The following P2RY14 variants were observed in gnomAD, a reference collection of about 807,000 sequenced individuals.
The protein encoded by P2RY14 is purinergic receptor P2Y14.
In P2RY14, 2 loss-of-function variants were observed where a neutral mutation model predicts 0.9. The observed-to-expected ratio is 2.16, with a 90% CI of 0.88 to 6.79. P2RY14 has a LOEUF of 6.79. Ranked by LOEUF, P2RY14 falls within the 30% of genes most tolerant of loss-of-function variation. The pLI is 0.05. For missense variants in P2RY14, 378 were observed against 400.1 expected (o/e 0.94, Z 0.47); for synonymous variants, 158 against 147.2 (o/e 1.07, Z -0.53).
At chr3:151,266,260 A>G (rs1321552652) in intron 1 of P2RY14, among the ~76,000 whole-genome samples, 1 of 152,222 alleles carries the variant, frequency 6.6e-6, no homozygotes, top group African/African-American at 2.4e-5. Flanking sequence ...GGTATTCAAC[A>G]TCTTCTATTA....
intron 1 of P2RY14, among the ~76,000 whole-genome samples, chr3:151,231,812 A>G (rs1731729886): frequency 6.6e-6 from 1 of 152,206 alleles, no homozygotes; most frequent in Non-Finnish European, 1.5e-5. Flanking sequence ...GGTGTGGTTA[A>G]GCGAGAGAGT....
chr3:151,235,399 CTGAAAAGA>C (rs1437155340), intron 1 of P2RY14, among the ~76,000 whole-genome samples: 1 of 152,056 alleles, frequency 6.6e-6, no homozygotes, highest in Non-Finnish European at 1.5e-5. Context: ...AAGTTTGATT[CTGAAAAGA>C]TCTAAAAGCA....
chr3:151,253,957 G>T, intron 1 of P2RY14, among the ~76,000 whole-genome samples: 1 of 149,770 alleles, frequency 6.7e-6, no homozygotes, highest in South Asian at 2.1e-4. Context: ...TCCAAGGAAT[G>T]GATACATTTG....
At chr3:151,247,523 AAC>A (rs1735843790) in intron 1 of P2RY14, among the ~76,000 whole-genome samples, 1 of 150,366 alleles carries the variant, frequency 6.7e-6, no homozygotes, top group Non-Finnish European at 1.5e-5. Context: ...CAAAAAACCA[AAC>A]ACTGCATATT....
chr3:151,214,302 G>A lies in P2RY14; in HGVS notation c.15C>T (p.Thr5=). The change falls in exon 3 of 3, where the codon ACC becomes ACT. Residue 5 remains threonine (T), a synonymous_variant. Coordinates refer to ENST00000309170, the MANE Select transcript of P2RY14 (RefSeq NM_014879.4). ...AGGATTCATCTGGAGGCTGTGTGGAGGTTGAATTGATCATCTTGTAACTTC... is the reference window on the plus strand; with the variant it reads ...AGGATTCATCTGGAGGCTGTGTGGAAGTTGAATTGATCATCTTGTAACTTC... MINS[T]STQPPDESCS... 6.2e-7 allele frequency: 1 copy of A among 1,612,916 alleles called. No individual in the cohort carries two copies. The highest frequency in any genetic ancestry group is 1.3e-5 in the African/African-American group (1 of 75,018).
intron 1 of P2RY14, chr3:151,269,867 G>A (rs567046074): frequency 8.9e-5 from 41 of 458,870 alleles, no homozygotes; most frequent in South Asian, 6.4e-4. Context: ...GAGGCAGCAC[G>A]AAGAACCAGA....
At chr3:151,260,026 A>G (rs1351580428) in intron 1 of P2RY14, among the ~76,000 whole-genome samples, 1 of 151,902 alleles carries the variant, frequency 6.6e-6, no homozygotes, top group African/African-American at 2.4e-5. Flanking sequence ...AGCTCGGGTT[A>G]TTTTGTATTT....
intron 1 of P2RY14, among the ~76,000 whole-genome samples, chr3:151,235,001 A>G (rs968402726): frequency 6.6e-6 from 1 of 152,238 alleles, no homozygotes; most frequent in Admixed American, 6.5e-5. Flanking sequence ...AACTTGTAGA[A>G]AAAGCTCAGG....
At chr3:151,219,212 TG>T (rs1728841133) in intron 2 of P2RY14, among the ~76,000 whole-genome samples, 3 of 152,218 alleles carry the variant, frequency 2.0e-5, no homozygotes, top group Admixed American at 2.0e-4. Context: ...TTGTGCTGCA[TG>T]AAGTGTTTTC....
intron 1 of P2RY14, among the ~76,000 whole-genome samples, chr3:151,272,840 T>G (rs1741206971): frequency 2.0e-5 from 3 of 152,120 alleles, no homozygotes; most frequent in Admixed American, 2.0e-4. Context: ...AGGTGGTTAT[T>G]TTTGTTCTGT....
At chr3:151,227,832 T>G (rs1730839214) in intron 1 of P2RY14, among the ~76,000 whole-genome samples, 1 of 152,224 alleles carries the variant, frequency 6.6e-6, no homozygotes, top group Admixed American at 6.5e-5. Context: ...ACTGTTTTTT[T>G]CGGTTTCAGT....
At chr3:151,254,261 G>T (rs540526870) in intron 1 of P2RY14, among the ~76,000 whole-genome samples, 1 of 152,060 alleles carries the variant, frequency 6.6e-6, no homozygotes, top group Admixed American at 6.6e-5. Context: ...CACTGTGCAC[G>T]TTTCCCTTTA....
intron 1 of P2RY14, among the ~76,000 whole-genome samples, chr3:151,272,933 A>C (rs928192073): frequency 6.6e-6 from 1 of 152,218 alleles, no homozygotes; most frequent in East Asian, 1.9e-4. Flanking sequence ...CCCTAATCCC[A>C]AAATCTGAAG....
rs139519088 is a variant in P2RY14, at chr3:151,268,594, G to A, written c.-133+9693C>T. On this transcript the variant is annotated intron_variant, in intron 1 of 2. Transcript: ENST00000309170. ...TTTTGCCTAATTTGTTTCAAATTTT[G>A]TCTAATTTGTGAGTTCATTCCCATT... 1.5e-4 allele frequency among the ~76,000 whole-genome samples: 23 copies of A among 152,216 alleles called. No individual in the cohort carries two copies. The East Asian group carries it at 4.4e-3, about 29-fold the overall frequency.
chr3:151,246,093 A>G (rs1735391394), intron 1 of P2RY14, among the ~76,000 whole-genome samples: 2 of 152,164 alleles, frequency 1.3e-5, no homozygotes, highest in South Asian at 2.1e-4. Flanking sequence ...AAGGAGAACT[A>G]CAAACCACTG....
intron 1 of P2RY14, among the ~76,000 whole-genome samples, chr3:151,238,366 C>T (rs557574611): frequency 3.3e-5 from 5 of 152,230 alleles, no homozygotes; most frequent in African/African-American, 7.2e-5. Flanking sequence ...AGGCTGGTCT[C>T]GAACTCCTGA....
At chr3:151,264,010 C>T (rs558886917) in intron 1 of P2RY14, among the ~76,000 whole-genome samples, 5 of 152,338 alleles carry the variant, frequency 3.3e-5, no homozygotes, top group African/African-American at 1.2e-4. Context: ...ACCCACTTAA[C>T]AGTATATCAT....
At chr3:151,269,866 C>CGAAG in intron 1 of P2RY14, 1 of 458,396 alleles carries the variant, frequency 2.2e-6, no homozygotes, top group Non-Finnish European at 4.3e-6. Context: ...AGAGGCAGCA[C>CGAAG]GAAGAACCAG....
intron 1 of P2RY14, among the ~76,000 whole-genome samples, chr3:151,229,299 G>T (rs1731137681): frequency 6.9e-6 from 1 of 145,678 alleles, no homozygotes. Flanking sequence ...TATAAATTCA[G>T]CAATTCTTTT....
Sources: gnomAD v4.1 joint callset for allele counts (sites outside exome capture counted in the v4.1 genomes callset) on GRCh38, gnomAD v4.1.1 for gene constraint, MANE v1.5 for transcripts, NCBI Gene and HGNC (gene_info 2026-07-23, HGNC 2026-07-21) for gene names.